Variants in PTPRD observed in about 807,000 individuals in gnomAD.
PTPRD encodes the protein protein tyrosine phosphatase receptor type D.
PTPRD carries 34 observed loss-of-function variants against 214.5 expected under a neutral mutation model. The ratio of observed to expected loss-of-function variants is 0.16; its 90% CI spans 0.12 to 0.21. The LOEUF (loss-of-function observed/expected upper bound fraction) is 0.21. Ranked by LOEUF, PTPRD falls within the 10% of genes least tolerant of loss-of-function variation. PTPRD has a pLI of 1.00. For missense variants in PTPRD, 2,545 were observed against 2,398.7 expected, an observed-to-expected ratio of 1.06 and a Z score of -1.27; for synonymous variants, 1,128 against 845.7, an observed-to-expected ratio of 1.33 and a Z score of -5.79.
At chr9:8,749,495 G>A (rs1187415738) in intron 11 of PTPRD, among the ~76,000 whole-genome samples, 1 of 152,048 alleles carries the variant, frequency 6.6e-6, no homozygotes, top group African/African-American at 2.4e-5. Flanking sequence ...GGTGAAGTTT[G>A]GATTTTTTTA....
intron 2 of PTPRD, among the ~76,000 whole-genome samples, chr9:10,363,182 T>C (rs561229360): frequency 8.5e-4 from 129 of 152,330 alleles, no homozygotes; most frequent in African/African-American, 3.0e-3. Flanking sequence ...CTTGTTAAAA[T>C]GCAGATTATG....
intron 9 of PTPRD, among the ~76,000 whole-genome samples, chr9:9,316,050 T>A (rs1962831027): frequency 2.6e-5 from 4 of 151,992 alleles, no homozygotes; most frequent in African/African-American, 7.2e-5. Context: ...TTAGTGCACA[T>A]GCCTGTCCAT....
intron 6 of PTPRD, among the ~76,000 whole-genome samples, chr9:9,766,204 A>T (rs1167601009): frequency 6.6e-6 from 1 of 152,076 alleles, no homozygotes; most frequent in Non-Finnish European, 1.5e-5. Flanking sequence ...ATAGCTCATG[A>T]TCTTTTCAAT....
intron 10 of PTPRD, among the ~76,000 whole-genome samples, chr9:9,066,889 G>A (rs2099735414): frequency 6.6e-6 from 1 of 152,186 alleles, no homozygotes; most frequent in African/African-American, 2.4e-5. Flanking sequence ...TTCAAGAACT[G>A]TGAGAGAATA....
intron 3 of PTPRD, among the ~76,000 whole-genome samples, chr9:10,090,336 T>C (rs1244960001): frequency 6.6e-6 from 1 of 151,552 alleles, no homozygotes; most frequent in Non-Finnish European, 1.5e-5. Context: ...AGTACCTTAG[T>C]CATTCAGTAG....
intron 9 of PTPRD, among the ~76,000 whole-genome samples, chr9:9,360,570 G>T (rs1027069572): frequency 6.6e-6 from 1 of 151,034 alleles, no homozygotes; most frequent in African/African-American, 2.4e-5. Flanking sequence ...TAGAAGTAAA[G>T]CTGATAATGA....
intron 9 of PTPRD, among the ~76,000 whole-genome samples, chr9:9,195,434 C>T (rs912899525): frequency 3.3e-5 from 5 of 151,930 alleles, no homozygotes; most frequent in African/African-American, 1.2e-4. Context: ...TAAATACAGG[C>T]CAATTGGTCA....
intron 39 of PTPRD, among the ~76,000 whole-genome samples, chr9:8,358,904 G>A (rs1017588361): frequency 2.6e-5 from 4 of 151,124 alleles, no homozygotes; most frequent in East Asian, 2.0e-4. Context: ...TCAGGAGATC[G>A]AGACCATCCT....
At chr9:8,503,579 C>A (rs1400641648) in intron 23 of PTPRD, among the ~76,000 whole-genome samples, 2 of 152,134 alleles carry the variant, frequency 1.3e-5, no homozygotes, top group Admixed American at 1.3e-4. Context: ...ACAATTAACC[C>A]CCATTGTGAT....
chr9:10,374,328 T>C (rs1260598812), intron 2 of PTPRD, among the ~76,000 whole-genome samples: 2 of 152,054 alleles, frequency 1.3e-5, no homozygotes, highest in South Asian at 4.1e-4. Flanking sequence ...ATTTAAGTGA[T>C]AGTGCATTAT....
intron 2 of PTPRD, among the ~76,000 whole-genome samples, chr9:10,605,366 C>T (rs2079023234): frequency 6.6e-6 from 1 of 151,850 alleles, no homozygotes; most frequent in Admixed American, 6.6e-5. Context: ...TAAACTGCTG[C>T]AGTGGTCTGG....
chr9:9,944,469 G>C (rs1566588113), intron 4 of PTPRD, among the ~76,000 whole-genome samples: 1 of 151,948 alleles, frequency 6.6e-6, no homozygotes, highest in Non-Finnish European at 1.5e-5. Flanking sequence ...AATTATAGTA[G>C]AGAGTACAAA....
At chr9:8,534,870 C>G (rs370345562) in intron 14 of PTPRD, among the ~76,000 whole-genome samples, 1 of 151,682 alleles carries the variant, frequency 6.6e-6, no homozygotes, top group African/African-American at 2.4e-5. Context: ...AAAATTACAC[C>G]ATATATTGAA....
intron 8 of PTPRD, among the ~76,000 whole-genome samples, chr9:9,477,860 C>T (rs2890869): frequency 0.69 from 105,412 of 152,008 alleles, 36,622 homozygotes; most frequent in South Asian, 0.74. Context: ...AATAATATTG[C>T]TTAATCTTTG....
chr9:8,812,077 G>A (rs1446718728), intron 11 of PTPRD, among the ~76,000 whole-genome samples: 1 of 152,156 alleles, frequency 6.6e-6, no homozygotes, highest in African/African-American at 2.4e-5. Flanking sequence ...GGAGCAGGCT[G>A]CATGTTCCTA....
intron 2 of PTPRD, among the ~76,000 whole-genome samples, chr9:10,515,448 G>A (rs1158127444): frequency 6.6e-6 from 1 of 151,970 alleles, no homozygotes; most frequent in Non-Finnish European, 1.5e-5. Context: ...CTAGCTTGAA[G>A]AACAAGAAAA....
chr9:9,784,327 A>G (rs1352225934), intron 5 of PTPRD, among the ~76,000 whole-genome samples: 1 of 152,072 alleles, frequency 6.6e-6, no homozygotes, highest in Non-Finnish European at 1.5e-5. Flanking sequence ...AGTGAATATT[A>G]AGAAAAAAAT....
intron 37 of PTPRD, among the ~76,000 whole-genome samples, chr9:8,380,434 G>C (rs927252628): frequency 2.6e-5 from 4 of 152,178 alleles, no homozygotes; most frequent in African/African-American, 9.7e-5. Context: ...CTGTGGTTTA[G>C]AAACATCACC....
chr9:8,851,582 C>A (rs1373831046), intron 11 of PTPRD, among the ~76,000 whole-genome samples: 1 of 152,116 alleles, frequency 6.6e-6, no homozygotes, highest in Non-Finnish European at 1.5e-5. Context: ...TCACTTTTAA[C>A]AAATAGCTGA....
Sources: gnomAD v4.1 joint callset for allele counts (sites outside exome capture counted in the v4.1 genomes callset) on GRCh38, gnomAD v4.1.1 for gene constraint, MANE v1.5 for transcripts, NCBI Gene and HGNC (gene_info 2026-07-23, HGNC 2026-07-21) for gene names.